TRDN: variants seen among roughly 807,000 people sequenced by gnomAD.
The protein encoded by TRDN is triadin, also known as triadin in skeletal muscle.
Under a neutral mutation model 149.7 loss-of-function variants are expected in TRDN, and 161 were observed. The observed-to-expected ratio is 1.08, with a 90% CI of 0.95 to 1.23. The LOEUF is 1.23. Ranked by LOEUF, TRDN falls within the 50% of genes most tolerant of loss-of-function variation. TRDN has a pLI of 0.00. For synonymous variants in TRDN, 294 were observed against 250.5 expected, an observed-to-expected ratio of 1.17 and a Z score of -1.64; for missense variants, 896 against 823.5, an observed-to-expected ratio of 1.09 and a Z score of -1.08.
chr6:123,501,059 GGT>G (rs1012891833), intron 8 of TRDN, among the ~76,000 whole-genome samples: 7 of 150,944 alleles, frequency 4.6e-5, no homozygotes, highest in Admixed American at 2.0e-4. Context: ...TTATTTGATG[GGT>G]GTGTGTGTGT....
intron 1 of TRDN, among the ~76,000 whole-genome samples, chr6:123,624,555 G>A (rs1288331306): frequency 6.6e-6 from 1 of 152,092 alleles, no homozygotes; most frequent in African/African-American, 2.4e-5. Context: ...CAGAGGCTTG[G>A]TCTATGGACC....
At chr6:123,483,206 C>T (rs1288974355) in intron 9 of TRDN, among the ~76,000 whole-genome samples, 1 of 150,986 alleles carries the variant, frequency 6.6e-6, no homozygotes, top group African/African-American at 2.4e-5. Context: ...AGGTTCACGC[C>T]ATTCTCCTGC....
chr6:123,216,510 T>G lies in TRDN; in HGVS notation c.*2091A>C, dbSNP rs550748894. The G allele has an allele frequency of 4.6e-5, 7 of 151,972 alleles. No individual in the cohort carries two copies. The highest frequency in any genetic ancestry group is 1.0e-4 in the Non-Finnish European group (7 of 67,938). The allele number at this position is 151,972 out of a possible 1,614,324, so 9.4% of individuals were successfully genotyped here. A position where few individuals can be genotyped will look rare whatever the true frequency, so the allele number is the denominator to read the frequency against. On this transcript the variant is annotated 3_prime_UTR_variant, in exon 41 of 41. Coordinates refer to ENST00000334268, the MANE Select transcript of TRDN (RefSeq NM_006073.4). ...TAAATTCTAATTACAATAAAATATA[T>G]CGTTTTATCTTATCAAATAGTTTTT...
chr6:123,235,326 T>C (rs1775746803), intron 38 of TRDN, among the ~76,000 whole-genome samples: 1 of 152,040 alleles, frequency 6.6e-6, no homozygotes, highest in Non-Finnish European at 1.5e-5. Context: ...CTGAAGGTGC[T>C]GGAACCTTCA....
intron 15 of TRDN, among the ~76,000 whole-genome samples, 184 bp from the exon 16 acceptor site, chr6:123,381,574 A>G (rs913978441): frequency 1.1e-4 from 16 of 152,000 alleles, no homozygotes; most frequent in Non-Finnish European, 2.2e-4. Flanking sequence ...AGGTGCTTCC[A>G]TAATTTGATT....
intron 1 of TRDN, among the ~76,000 whole-genome samples, chr6:123,597,985 T>C (rs959167140): frequency 6.6e-6 from 1 of 152,056 alleles, no homozygotes; most frequent in Non-Finnish European, 1.5e-5. Context: ...TTAGTTCCTA[T>C]GAAAATAAAG....
intron 2 of TRDN, among the ~76,000 whole-genome samples, chr6:123,561,409 T>G (rs1048845405): frequency 6.6e-6 from 1 of 152,018 alleles, no homozygotes; most frequent in Non-Finnish European, 1.5e-5. Flanking sequence ...TTCAGGCGGG[T>G]CTGTCCTCGG....
At chr6:123,519,826 A>C (rs1331292845) in intron 5 of TRDN, among the ~76,000 whole-genome samples, 1 of 151,660 alleles carries the variant, frequency 6.6e-6, no homozygotes, top group Non-Finnish European at 1.5e-5. Flanking sequence ...AATAAATTTT[A>C]CTGATTTTTC....
chr6:123,530,451 G>T, intron 5 of TRDN, 55 bp downstream of exon 5: 3 of 1,071,900 alleles, frequency 2.8e-6, no homozygotes, highest in South Asian at 2.0e-5. Flanking sequence ...TCTCGCATAT[G>T]AATACACAAA....
intron 12 of TRDN, among the ~76,000 whole-genome samples, chr6:123,426,681 G>T: frequency 6.6e-6 from 1 of 151,916 alleles, no homozygotes; most frequent in Non-Finnish European, 1.5e-5. Context: ...TTTCCTTCTG[G>T]TGTATTTTAG....
At chr6:123,506,398 C>T (rs1006533127) in intron 7 of TRDN, among the ~76,000 whole-genome samples, 3 of 152,020 alleles carry the variant, frequency 2.0e-5, no homozygotes, top group Non-Finnish European at 4.4e-5. Context: ...TGTATTTTTC[C>T]ATGTGTCAAC....
chr6:123,627,540 G>C (rs1194592344), intron 1 of TRDN, among the ~76,000 whole-genome samples: 6 of 152,102 alleles, frequency 3.9e-5, no homozygotes, highest in Admixed American at 3.9e-4. Context: ...TAATTCTTTA[G>C]AGCCCTGGAA....
intron 2 of TRDN, among the ~76,000 whole-genome samples, chr6:123,558,006 C>G (rs1311479494): frequency 1.3e-5 from 2 of 152,074 alleles, no homozygotes; most frequent in African/African-American, 4.8e-5. Flanking sequence ...ACAAACTGGA[C>G]AGTGGTTCCA....
At chr6:123,275,930 T>G (rs1309918933) in intron 26 of TRDN, among the ~76,000 whole-genome samples, 1 of 152,066 alleles carries the variant, frequency 6.6e-6, no homozygotes, top group African/African-American at 2.4e-5. Flanking sequence ...GACCGTGAAG[T>G]TTGGGATTAA....
intron 12 of TRDN, among the ~76,000 whole-genome samples, chr6:123,413,388 T>C (rs1348328422): frequency 6.6e-6 from 1 of 152,230 alleles, no homozygotes; most frequent in Admixed American, 6.5e-5. Context: ...ATTGTTACTT[T>C]AATTAGAATT....
intron 12 of TRDN, among the ~76,000 whole-genome samples, chr6:123,398,788 GA>G (rs1772840569): frequency 6.6e-6 from 1 of 152,212 alleles, no homozygotes; most frequent in Non-Finnish European, 1.5e-5. Context: ...ACTGAAGCCT[GA>G]AAGAAGGGCC....
chr6:123,289,448 A>AG (rs1361370286), intron 24 of TRDN, among the ~76,000 whole-genome samples: 5 of 152,006 alleles, frequency 3.3e-5, no homozygotes, highest in Non-Finnish European at 7.4e-5. Context: ...ATAATGAGGT[A>AG]GGGGGCAGAA....
At chr6:123,437,468 A>T (rs1774633237) in intron 12 of TRDN, 1 of 277,412 alleles carries the variant, frequency 3.6e-6, no homozygotes, top group South Asian at 3.8e-5. Flanking sequence ...CAGTAGTGCA[A>T]TTATGGTGCT....
At chr6:123,488,140 C>T (rs1392723423) in intron 9 of TRDN, among the ~76,000 whole-genome samples, 1 of 152,056 alleles carries the variant, frequency 6.6e-6, no homozygotes, top group African/African-American at 2.4e-5. Flanking sequence ...CCTAGTGACC[C>T]CTTCTTCACC....
Sources: allele counts gnomAD v4.1 joint callset (sites outside exome capture counted in the v4.1 genomes callset), GRCh38; gene constraint gnomAD v4.1.1; transcripts MANE v1.5; gene names NCBI Gene and HGNC (gene_info 2026-07-23, HGNC 2026-07-21).